The following CAPRIN1 variants were observed in gnomAD, a reference collection of about 807,000 sequenced individuals.
CAPRIN1 encodes cell cycle associated protein 1.
Under a neutral mutation model 100.9 loss-of-function variants are expected in CAPRIN1, and 29 were observed. That is an observed-to-expected ratio of 0.29 (90% confidence interval 0.21 to 0.39). The LOEUF is 0.39. Among genes scored for constraint, CAPRIN1 ranks in the 10% least tolerant of loss-of-function variants. The pLI, the probability that CAPRIN1 is intolerant of heterozygous loss-of-function variation, is 1.00. For missense variants in CAPRIN1, 795 were observed against 876.7 expected, an observed-to-expected ratio of 0.91 and a Z score of 1.18; for synonymous variants, 338 against 307.5, an observed-to-expected ratio of 1.10 and a Z score of -1.04.
At chr11:34,055,029 A>G (rs1279811688) in intron 2 of CAPRIN1, among the ~76,000 whole-genome samples, 1 of 151,166 alleles carries the variant, frequency 6.6e-6, no homozygotes, top group Non-Finnish European at 1.5e-5. Flanking sequence ...AGTACTTCTG[A>G]AAAAAAAATA....
intron 2 of CAPRIN1, among the ~76,000 whole-genome samples, chr11:34,059,354 C>A (rs544445961): frequency 6.6e-6 from 1 of 151,570 alleles, no homozygotes; most frequent in Non-Finnish European, 1.5e-5. Flanking sequence ...CTGCAACCTC[C>A]GCCTCCTGGG....
intron 2 of CAPRIN1, among the ~76,000 whole-genome samples, chr11:34,069,442 C>T (rs955824304): frequency 6.6e-6 from 1 of 152,012 alleles, no homozygotes; most frequent in Non-Finnish European, 1.5e-5. Context: ...GCCACCGGGC[C>T]TGGTCTAGTT....
At position 34,089,442 on chromosome 11, in the gene CAPRIN1, C is replaced by A; in HGVS notation, c.1279C>A (p.Pro427Thr). The A allele has an allele frequency of 6.2e-7, 1 of 1,603,372 alleles. No homozygotes were observed. Among genetic ancestry groups the A allele is most frequent in the South Asian group, 1.1e-5 (1 of 90,808 alleles). Residue 427 changes from proline (P) to threonine (T), a missense_variant, in exon 12 of 19, where the codon CCA (proline) becomes ACA (threonine). This residue lies in a region of CAPRIN1 where 648 missense variants were observed against 697.9 expected (regional missense o/e 0.93). Transcript: ENST00000341394. ...TCAGCCTAATCAAGTTCCTGTACAA[C>A]CAGAAGCGACACAGGTAAGAGTGAT... ...LAQPNQVPVQ[P>T]EATQVPLVSS...
intron 2 of CAPRIN1, among the ~76,000 whole-genome samples, chr11:34,058,763 TG>T (rs1471610394): frequency 2.6e-5 from 4 of 152,154 alleles, no homozygotes; most frequent in African/African-American, 9.7e-5. Flanking sequence ...GTTAAAACTC[TG>T]AAGTTTTTCT....
intron 2 of CAPRIN1, among the ~76,000 whole-genome samples, chr11:34,054,894 A>AT (rs1850416734): frequency 6.6e-6 from 1 of 152,332 alleles, no homozygotes; most frequent in South Asian, 2.1e-4. Flanking sequence ...AACATTAATG[A>AT]TTAGTGATAT....
At chr11:34,088,383 G>C (rs924526993) in intron 11 of CAPRIN1, among the ~76,000 whole-genome samples, 1 of 152,068 alleles carries the variant, frequency 6.6e-6, no homozygotes. Flanking sequence ...ATATTGAGCC[G>C]GGTATGGTAG....
At position 34,102,209 on chromosome 11, in the gene CAPRIN1, A is replaced by G. The variant is rs1336485667; in HGVS notation, c.*2842A>G. The stretch of plus-strand genomic sequence containing the variant: ...TGTGCTTATTCTCAGAAGGTTCATT[A>G]ACTGAGGTGATGAGTTAACAACTAG... On this transcript the variant is annotated 3_prime_UTR_variant, in exon 19 of 19. Transcript: ENST00000341394. 6.6e-6 allele frequency among the ~76,000 whole-genome samples: 1 copy of G among 152,212 alleles called. No homozygotes were observed. Among genetic ancestry groups the G allele is most frequent in the Admixed American group, 6.5e-5 (1 of 15,284 alleles).
rs764932005 is a variant in CAPRIN1 at position 34,101,558 on chromosome 11, A to G, written c.*2191A>G. Among the ~76,000 whole-genome samples, 9 of 152,084 alleles carry G rather than the reference A, an allele frequency of 5.9e-5. No individual in the cohort carries two copies. Among genetic ancestry groups the G allele is most frequent in the Non-Finnish European group, 1.0e-4 (7 of 67,972 alleles). On this transcript the variant is annotated 3_prime_UTR_variant, in exon 19 of 19. Coordinates refer to ENST00000341394, the MANE Select transcript of CAPRIN1 (RefSeq NM_005898.5). ...AATGTGTAAAGGTGTTCATAGTTTGACTGTTTCTATGTATGTTTTTTCAAA... is the reference window on the plus strand; with the variant it reads ...AATGTGTAAAGGTGTTCATAGTTTGGCTGTTTCTATGTATGTTTTTTCAAA...
chr11:34,083,162 T>C (rs1036461648), intron 9 of CAPRIN1, 121 bp downstream of exon 9: 4 of 676,740 alleles, frequency 5.9e-6, no homozygotes, highest in Non-Finnish European at 1.0e-5. Flanking sequence ...AATAACAGAC[T>C]CATTACACCA....
intron 2 of CAPRIN1, chr11:34,056,695 A>AT (rs1850460031): frequency 1.3e-5 from 2 of 152,344 alleles, no homozygotes; most frequent in Admixed American, 1.3e-4. Flanking sequence ...GAGAGACCTC[A>AT]TTTGATATTA....
chr11:34,092,103 GTTA>G, intron 15 of CAPRIN1, 47 bp downstream of exon 15: 1 of 1,591,500 alleles, frequency 6.3e-7, no homozygotes, highest in Non-Finnish European at 8.6e-7. Flanking sequence ...TTCCAGCACA[GTTA>G]TTGACAGTGT....
At chr11:34,065,814 T>A (rs547813239) in intron 2 of CAPRIN1, among the ~76,000 whole-genome samples, 1 of 152,350 alleles carries the variant, frequency 6.6e-6, no homozygotes, top group East Asian at 1.9e-4. Flanking sequence ...TGCTGTTTCT[T>A]AGAAACTTTG....
At chr11:34,052,688 C>T (rs1246623348) in intron 2 of CAPRIN1, 52 bp downstream of exon 2, 6 of 1,526,440 alleles carry the variant, frequency 3.9e-6, no homozygotes, top group South Asian at 2.4e-5. Context: ...GGCTCTGCGG[C>T]CCCTCCGACC....
rs561369820 is a variant in CAPRIN1 at position 34,069,818 on chromosome 11, A to G, written c.217-1908A>G. Among the ~76,000 whole-genome samples, 74 of 151,832 alleles carry G rather than the reference A, an allele frequency of 4.9e-4. 1 individual carries two copies. The highest frequency in any genetic ancestry group is 1.6e-3 in the African/African-American group (66 of 41,444). On this transcript the variant is annotated intron_variant, in intron 2 of 18. Transcript: ENST00000341394. ...GTTTTATTTACCTCCAGTGTTAGGA[A>G]GGAATTGTGGTAGGGTTTTCAATTT...
chr11:34,089,340 C>G, intron 11 of CAPRIN1, 55 bp from the exon 12 acceptor site: 1 of 786,248 alleles, frequency 1.3e-6, no homozygotes, highest in South Asian at 1.6e-5. Flanking sequence ...TATTTAGACG[C>G]GTCTCTCTAA....
At chr11:34,082,327 G>A (rs1222477855) in intron 7 of CAPRIN1, among the ~76,000 whole-genome samples, 5 of 151,630 alleles carry the variant, frequency 3.3e-5, no homozygotes, top group Admixed American at 6.6e-5. Context: ...AGCTGGGATT[G>A]CAGGCGTCCG....
chr11:34,054,753 G>A (rs891020104), intron 2 of CAPRIN1, among the ~76,000 whole-genome samples: 2 of 152,134 alleles, frequency 1.3e-5, no homozygotes, highest in African/African-American at 4.8e-5. Flanking sequence ...CAGTAAGCAA[G>A]CCTGCTGATC....
chr11:34,093,337 G>C (rs1020299882), intron 15 of CAPRIN1, among the ~76,000 whole-genome samples: 1 of 151,896 alleles, frequency 6.6e-6, no homozygotes, highest in Non-Finnish European at 1.5e-5. Flanking sequence ...AGCTTGGACT[G>C]CAGGCTTTTC....
At chr11:34,088,409 T>C (rs1056951016) in intron 11 of CAPRIN1, among the ~76,000 whole-genome samples, 7 of 152,140 alleles carry the variant, frequency 4.6e-5, no homozygotes. Context: ...GCCTGTAATC[T>C]CAGTGCTTTG....
Sources: allele counts gnomAD v4.1 joint callset (sites outside exome capture counted in the v4.1 genomes callset), GRCh38; gene constraint gnomAD v4.1.1; regional missense constraint gnomAD v4.1.1; transcripts MANE v1.5; gene names NCBI Gene and HGNC (gene_info 2026-07-23, HGNC 2026-07-21).